Variants in STMND1 observed in about 807,000 individuals in gnomAD.
The protein encoded by STMND1 is stathmin domain containing 1.
Under a neutral mutation model 23.0 loss-of-function variants are expected in STMND1, and 17 were observed. That is an observed-to-expected ratio of 0.74 (90% CI 0.51 to 1.11). STMND1 has a LOEUF of 1.11. Ranked by LOEUF, STMND1 falls within the 50% of genes least tolerant of loss-of-function variation. The pLI, the probability that STMND1 is intolerant of heterozygous loss-of-function variation, is 0.00. For missense variants in STMND1, 305 were observed against 329.1 expected (o/e 0.93, Z 0.57); for synonymous variants, 114 against 119.9 (o/e 0.95, Z 0.32).
At chr6:17,123,795 C>T (rs1761261418) in intron 3 of STMND1, among the ~76,000 whole-genome samples, 1 of 152,160 alleles carries the variant, frequency 6.6e-6, no homozygotes, top group Non-Finnish European at 1.5e-5. Context: ...AGATTATACT[C>T]AGGAAGCCTA....
At chr6:17,108,699 T>TTTC (rs1761057678) in intron 1 of STMND1, among the ~76,000 whole-genome samples, 1 of 150,006 alleles carries the variant, frequency 6.7e-6, no homozygotes, top group Non-Finnish European at 1.5e-5. Flanking sequence ...TCTTTTTCTT[T>TTTC]TTTTTTTTTT....
chr6:17,114,759 G>A lies in STMND1; in HGVS notation c.82-203G>A, dbSNP rs183518015. On this transcript the variant is annotated intron_variant, in intron 1 of 4. Coordinates refer to ENST00000536551, the MANE Select transcript of STMND1 (RefSeq NM_001190766.2). The stretch of plus-strand genomic sequence containing the variant: ...CTGGCTAGCCCACTCCTCACCTCCC[G>A]CTCTGCAGCCCAGTTCCTAACAGGC... 2.0e-4 allele frequency among the ~76,000 whole-genome samples: 31 copies of A among 152,246 alleles called. No homozygotes were observed. In the East Asian group the frequency reaches 3.9e-3, roughly 19 times the overall value.
chr6:17,125,116 AGACC>A (rs2113491737), intron 3 of STMND1, among the ~76,000 whole-genome samples: 1 of 151,146 alleles, frequency 6.6e-6, no homozygotes, highest in Admixed American at 6.6e-5. Context: ...CAGGTGTTCA[AGACC>A]AGCCTGGGCA....
intron 4 of STMND1, 68 bp downstream of exon 4, chr6:17,129,311 C>T (rs916948299): frequency 4.1e-6 from 6 of 1,461,262 alleles, no homozygotes; most frequent in South Asian, 1.3e-5. Context: ...CACCCCAGAG[C>T]TTTCCTATCA....
chr6:17,122,665 G>T (rs76898539), intron 3 of STMND1, among the ~76,000 whole-genome samples: 1,823 of 151,762 alleles, frequency 0.012, 40 homozygotes, highest in African/African-American at 0.042. Context: ...GGAAAGGAAA[G>T]GAGATTGCCA....
At chr6:17,126,034 T>TTTTA (rs1348334184) in intron 3 of STMND1, among the ~76,000 whole-genome samples, 2 of 41,982 alleles carry the variant, frequency 4.8e-5, no homozygotes, top group African/African-American at 2.5e-4. Context: ...GATCATTGTT[T>TTTTA]TATATATATA....
At chr6:17,115,939 G>A (rs1429556766) in intron 2 of STMND1, among the ~76,000 whole-genome samples, 1 of 152,194 alleles carries the variant, frequency 6.6e-6, no homozygotes, top group Non-Finnish European at 1.5e-5. Flanking sequence ...CCCTCCCCTT[G>A]CTGTAGTCAG....
rs552753284 is a variant in STMND1, at chr6:17,131,151, T to C, written c.*270T>C. 1.5e-5 allele frequency: 5 copies of C among 341,944 alleles called. No individual in the cohort carries two copies. The highest frequency in any genetic ancestry group is 2.3e-4 in the South Asian group (2 of 8,766). 21.2% of individuals were successfully genotyped at this position (341,944 alleles called of 1,614,324 possible). On this transcript the variant is annotated 3_prime_UTR_variant, in exon 5 of 5. Transcript: ENST00000536551. The stretch of plus-strand genomic sequence containing the variant: ...GGCTTCAAACATTATGGAGATGTCT[T>C]TAATTCATTTATAAGTGCCTTCAGT...
intron 2 of STMND1, among the ~76,000 whole-genome samples, chr6:17,117,070 T>C (rs1215930958): frequency 6.6e-6 from 1 of 152,004 alleles, no homozygotes; most frequent in African/African-American, 2.4e-5. Flanking sequence ...TTACCTTTTT[T>C]TTGTTTGTTT....
At position 17,102,338 on chromosome 6, in the gene STMND1, G is replaced by T. The variant is rs1408094171; in HGVS notation, c.81G>T (p.Lys27Asn). The T allele has an allele frequency of 5.2e-6, 8 of 1,534,634 alleles. No homozygotes were observed. The highest frequency in any genetic ancestry group is 7.0e-6 in the Non-Finnish European group (8 of 1,146,746). Reference protein sequence around the residue: ...APKKGWKEEFKADVSVPHTGE... With the variant: ...APKKGWKEEFNADVSVPHTGE... ...AGAAGGGCTGGAAAGAGGAATTCAA[G>T]GTAATAAACAAACAAACAAACAAAC... The change falls in exon 1 of 5, where the codon AAG (lysine) becomes AAT (asparagine). Residue 27 changes from lysine to asparagine, a missense_variant and splice_region_variant. Coordinates refer to ENST00000536551, the MANE Select transcript of STMND1 (RefSeq NM_001190766.2).
chr6:17,102,117 C>G lies in STMND1; in HGVS notation c.-141C>G. The G allele has an allele frequency of 1.3e-6, 1 of 753,984 alleles. No individual in the cohort carries two copies. The highest frequency in any genetic ancestry group is 4.3e-5 in the Admixed American group (1 of 23,054). The allele number at this position is 753,984 out of a possible 1,614,324, so 46.7% of individuals were successfully genotyped here. On this transcript the variant is annotated 5_prime_UTR_variant, in exon 1 of 5. Coordinates refer to ENST00000536551, the MANE Select transcript of STMND1 (RefSeq NM_001190766.2). ...GTTTAAGCGCGGGAAGTGGGAGAGG[C>G]GGGTGGCGCCCGAGCGCAGTAGCAG...
intron 3 of STMND1, among the ~76,000 whole-genome samples, chr6:17,124,403 G>T (rs1385439387): frequency 6.6e-6 from 1 of 152,184 alleles, no homozygotes; most frequent in African/African-American, 2.4e-5. Flanking sequence ...CTGCTTCTTA[G>T]CCAGGTCATT....
At chr6:17,110,809 AT>A in intron 1 of STMND1, 1 of 455,902 alleles carries the variant, frequency 2.2e-6, no homozygotes, top group Non-Finnish European at 4.4e-6. Flanking sequence ...CTGGGAAGAC[AT>A]TACCGAGTGG....
intron 1 of STMND1, among the ~76,000 whole-genome samples, chr6:17,104,586 G>A (rs568886854): frequency 6.6e-5 from 10 of 152,128 alleles, no homozygotes; most frequent in African/African-American, 1.2e-4. Flanking sequence ...ATCACTTCTC[G>A]CTTGGATTTT....
At position 17,130,739 on chromosome 6, in the gene STMND1, C is replaced by T. The variant is rs1437883480; in HGVS notation, c.689C>T (p.Ser230Phe). ...GTGAGGTCTGCTGGATTTGAACCATCTGACCTGCAGGGAGGAAAACCATTG... is the reference window on the plus strand; with the variant it reads ...GTGAGGTCTGCTGGATTTGAACCATTTGACCTGCAGGGAGGAAAACCATTG... ...QRVRSAGFEP[S>F]DLQGGKPLKR... is the part of the protein sequence containing the mutation. The change falls in exon 5 of 5, where the codon TCT (serine) becomes TTT (phenylalanine). Residue 230 changes from serine to phenylalanine, a missense_variant. Coordinates refer to ENST00000536551, the MANE Select transcript of STMND1 (RefSeq NM_001190766.2). 6.5e-7 allele frequency: 1 copy of T among 1,536,076 alleles called. No individual in the cohort carries two copies. The highest frequency in any genetic ancestry group is 1.2e-5 in the South Asian group (1 of 84,062).
intron 2 of STMND1, among the ~76,000 whole-genome samples, chr6:17,115,955 C>T (rs1761153788): frequency 2.0e-5 from 3 of 152,190 alleles, no homozygotes; most frequent in Admixed American, 2.0e-4. Context: ...GTCAGCGTGA[C>T]CTCAGAGAAT....
In STMND1 at chr6:17,102,100, G is replaced by C. The variant is rs563651133; in HGVS notation, c.-158G>C. ...AGTGCGTCCTGCCCGGGGTTTAAGC[G>C]CGGGAAGTGGGAGAGGCGGGTGGCG... is the stretch of plus-strand genomic sequence containing the variant. On this transcript the variant is annotated 5_prime_UTR_variant, in exon 1 of 5. Coordinates refer to ENST00000536551, the MANE Select transcript of STMND1 (RefSeq NM_001190766.2). Among the ~76,000 whole-genome samples the C allele has an allele frequency of 3.3e-5, 5 of 152,342 alleles. No individual in the cohort carries two copies. The South Asian group carries it at 1.0e-3, about 32-fold the overall frequency.
chr6:17,105,081 A>T (rs936146325), intron 1 of STMND1, among the ~76,000 whole-genome samples: 2 of 152,196 alleles, frequency 1.3e-5, no homozygotes, highest in African/African-American at 4.8e-5. Context: ...TTAGGTATTT[A>T]TGAATAATCT....
chr6:17,126,050 ATATATATATATATATATATATTTTTTT>A (rs1220105108), intron 3 of STMND1, among the ~76,000 whole-genome samples: 1 of 28,150 alleles, frequency 3.6e-5, no homozygotes, highest in Non-Finnish European at 5.8e-5. Context: ...ATATATATAT[ATATATATATATATATATATATTTTTTT>A]TTTTTTTTTT....
Sources: allele counts gnomAD v4.1 joint callset (sites outside exome capture counted in the v4.1 genomes callset), GRCh38; gene constraint gnomAD v4.1.1; transcripts MANE v1.5; gene names NCBI Gene and HGNC (gene_info 2026-07-23, HGNC 2026-07-21).